TBC1D30: variants seen among roughly 807,000 people sequenced by gnomAD.
The protein encoded by TBC1D30 is TBC1 domain family member 30.
Under a neutral mutation model 63.2 loss-of-function variants are expected in TBC1D30, and 31 were observed. The observed-to-expected ratio is 0.49, with a 90% CI of 0.37 to 0.66. TBC1D30 has a LOEUF of 0.66. TBC1D30 is among the 30% of genes least tolerant of loss of function. The pLI, the probability that TBC1D30 is intolerant of heterozygous loss-of-function variation, is 0.00. For synonymous variants in TBC1D30, 307 were observed against 361.5 expected, an observed-to-expected ratio of 0.85 and a Z score of 1.71; for missense variants, 810 against 953.6, an observed-to-expected ratio of 0.85 and a Z score of 1.98.
chr12:64,872,361 C>G (rs2136480898), intron 11 of TBC1D30, among the ~76,000 whole-genome samples: 1 of 152,232 alleles, frequency 6.6e-6, no homozygotes, highest in Admixed American at 6.5e-5. Context: ...ACAGGCATGC[C>G]CATTTGTTTA....
At chr12:64,764,170 C>T (rs1870622458) in intron 1 of TBC1D30, among the ~76,000 whole-genome samples, 1 of 152,114 alleles carries the variant, frequency 6.6e-6, no homozygotes, top group Non-Finnish European at 1.5e-5. Context: ...GTTGTCATAT[C>T]CAGAATAGAA....
At position 64,854,291 on chromosome 12, in the gene TBC1D30, T is replaced by G. The variant is rs1592641562; in HGVS notation, c.1039-10377T>G. On this transcript the variant is annotated intron_variant, in intron 8 of 11. Coordinates refer to ENST00000539867, the MANE Select transcript of TBC1D30 (RefSeq NM_015279.2). ...GTTACCACGACACTGGCACATACTA[T>G]CTTAAACCTATTATTTTAAACTGAT... Among the ~76,000 whole-genome samples, 5 of 152,244 alleles carry G rather than the reference T, an allele frequency of 3.3e-5. No individual in the cohort carries two copies. In the South Asian group the frequency reaches 8.3e-4, roughly 25 times the overall value.
At chr12:64,856,980 C>A (rs1161131756) in intron 8 of TBC1D30, among the ~76,000 whole-genome samples, 2 of 152,046 alleles carry the variant, frequency 1.3e-5, no homozygotes, top group Admixed American at 1.3e-4. Flanking sequence ...TGGGAGTCAC[C>A]CTTCAGGGCA....
chr12:64,828,455 T>G lies in TBC1D30; in HGVS notation c.228T>G (p.Ala76=), dbSNP rs1025358987. The G allele has an allele frequency of 2.9e-5, 44 of 1,535,656 alleles. No homozygotes were observed. Among genetic ancestry groups the G allele is most frequent in the Non-Finnish European group, 3.7e-5 (42 of 1,146,682 alleles). ...GQNGFQQWYD[A]LKAVARLSTG... is the part of the protein sequence containing the mutation. ...TTCTTTGTTCCTAGTGGTACGATGC[T>G]CTCAAGGCAGTTGCCAGGCTATCCA... Residue 76 remains alanine, a synonymous_variant, in exon 3 of 12, where the codon GCT becomes GCG. Transcript: ENST00000539867.
chr12:64,875,366 G>A lies in TBC1D30; in HGVS notation c.1864G>A (p.Gly622Ser). 6.5e-7 allele frequency: 1 copy of A among 1,536,268 alleles called. No homozygotes were observed. Among genetic ancestry groups the A allele is most frequent in the Non-Finnish European group, 8.7e-7 (1 of 1,146,932 alleles). ...SGCTATAGRE[G>S]SSPEGSTRRT... is the part of the protein sequence containing the mutation. The stretch of plus-strand genomic sequence containing the variant: ...TTGTACAGCGACAGCTGGGAGAGAA[G>A]GCAGCAGCCCTGAAGGCAGTACCAG... Residue 622 changes from glycine (G) to serine (S), a missense_variant, in exon 12 of 12, where the codon GGC becomes AGC. Around this residue, in one of 4 missense-constraint regions of TBC1D30, gnomAD observed 450 missense variants for 473.0 expected, o/e 0.95. Transcript: ENST00000539867.
In TBC1D30 at chr12:64,871,747, A is replaced by G. The variant is rs561180835; in HGVS notation, c.1498+939A>G. Among the ~76,000 whole-genome samples, 16 of 152,368 alleles carry G rather than the reference A, an allele frequency of 1.1e-4. 1 individual carries two copies. Among genetic ancestry groups the G allele is most frequent in the African/African-American group, 2.9e-4 (12 of 41,594 alleles). On this transcript the variant is annotated intron_variant, in intron 11 of 11. Coordinates refer to ENST00000539867, the MANE Select transcript of TBC1D30 (RefSeq NM_015279.2). ...GAGGAAGGCAAGGACAGATAGTCCC[A>G]TCTTCTTCCAAATAGTGAGGAAATG...
chr12:64,763,480 C>T (rs751668216), intron 1 of TBC1D30, among the ~76,000 whole-genome samples: 7 of 152,046 alleles, frequency 4.6e-5, no homozygotes, highest in Non-Finnish European at 1.0e-4. Flanking sequence ...TGATTATTCT[C>T]TTCCTCTTAA....
intron 9 of TBC1D30, 140 bp downstream of exon 9, chr12:64,864,920 G>T: frequency 3.1e-6 from 2 of 639,602 alleles, no homozygotes; most frequent in Admixed American, 3.2e-5. Flanking sequence ...TTTCCAAATG[G>T]TTTTGATTTA....
At chr12:64,843,528 G>A in intron 8 of TBC1D30, 43 bp downstream of exon 8, 5 of 1,468,470 alleles carry the variant, frequency 3.4e-6, no homozygotes, top group Non-Finnish European at 4.6e-6. Context: ...GGAACCCCGG[G>A]CACGGTGGGA....
chr12:64,805,980 CTA>C (rs1491266384), intron 2 of TBC1D30, among the ~76,000 whole-genome samples: 1 of 152,152 alleles, frequency 6.6e-6, no homozygotes, highest in Non-Finnish European at 1.5e-5. Context: ...AGTCTGACCA[CTA>C]AAAAAAATTA....
intron 7 of TBC1D30, among the ~76,000 whole-genome samples, chr12:64,840,161 G>T (rs945366622): frequency 6.6e-6 from 1 of 152,032 alleles, no homozygotes; most frequent in East Asian, 1.9e-4. Flanking sequence ...CATCTGTATG[G>T]GATTTGGTGT....
intron 1 of TBC1D30, among the ~76,000 whole-genome samples, chr12:64,760,551 T>C (rs1382196919): frequency 6.6e-6 from 1 of 151,910 alleles, no homozygotes; most frequent in Non-Finnish European, 1.5e-5. Flanking sequence ...GACTCTTGTC[T>C]CAAAACAAAC....
At chr12:64,836,694 T>G in intron 6 of TBC1D30, 36 bp downstream of exon 6, 1 of 1,502,914 alleles carries the variant, frequency 6.7e-7, no homozygotes, top group Non-Finnish European at 8.9e-7. Context: ...TGAAAATATT[T>G]GTCTTCTCTG....
At chr12:64,817,723 A>G (rs550326830) in intron 2 of TBC1D30, among the ~76,000 whole-genome samples, 4 of 152,268 alleles carry the variant, frequency 2.6e-5, no homozygotes, top group African/African-American at 4.8e-5. Context: ...ATCTACCTCA[A>G]TAGATATGAG....
chr12:64,855,079 A>G (rs2136434569), intron 8 of TBC1D30, among the ~76,000 whole-genome samples: 1 of 151,724 alleles, frequency 6.6e-6, no homozygotes, highest in Non-Finnish European at 1.5e-5. Flanking sequence ...TATACTTACT[A>G]TGCTAGGGTA....
At chr12:64,840,356 G>C (rs1875763538) in intron 7 of TBC1D30, among the ~76,000 whole-genome samples, 1 of 152,188 alleles carries the variant, frequency 6.6e-6, no homozygotes, top group Non-Finnish European at 1.5e-5. Context: ...TGATGAGTCA[G>C]TTATAATTGC....
At chr12:64,818,061 A>C (rs1338998959) in intron 2 of TBC1D30, among the ~76,000 whole-genome samples, 1 of 21,184 alleles carries the variant, frequency 4.7e-5, no homozygotes, top group African/African-American at 1.5e-4. Flanking sequence ...AGACTCTACC[A>C]AAAAAAAAAA....
intron 2 of TBC1D30, among the ~76,000 whole-genome samples, chr12:64,828,194 C>T (rs554759432): frequency 2.5e-4 from 38 of 152,276 alleles, no homozygotes; most frequent in Non-Finnish European, 5.0e-4. Flanking sequence ...GGCTTATTAA[C>T]CAGAGCTTCC....
chr12:64,857,392 A>T (rs1021777672), intron 8 of TBC1D30, among the ~76,000 whole-genome samples: 3 of 151,978 alleles, frequency 2.0e-5, no homozygotes, highest in Non-Finnish European at 4.4e-5. Context: ...TTTGGGAGCT[A>T]GGGCCTGGAA....
Sources: gnomAD v4.1 joint callset for allele counts (sites outside exome capture counted in the v4.1 genomes callset) on GRCh38, gnomAD v4.1.1 for gene constraint, gnomAD v4.1.1 regional missense constraint, MANE v1.5 for transcripts, NCBI Gene and HGNC (gene_info 2026-07-23, HGNC 2026-07-21) for gene names.